SDK1: variants seen among roughly 807,000 people sequenced by gnomAD.
The protein encoded by SDK1 is sidekick cell adhesion molecule 1, also known as protein sidekick-1.
Under a neutral mutation model 245.5 loss-of-function variants are expected in SDK1, and 157 were observed. The observed-to-expected ratio is 0.64, with a 90% confidence interval of 0.56 to 0.73. The LOEUF is 0.73. SDK1 is among the 30% of genes least tolerant of loss of function. The probability of loss-of-function intolerance (pLI) is 0.00; values close to 1 mark genes in which losing one functional copy is unlikely to be tolerated. For synonymous variants in SDK1, 1,647 were observed against 1,278.5 expected, an observed-to-expected ratio of 1.29 and a Z score of -6.15; for missense variants, 3,583 against 3,002.3, an observed-to-expected ratio of 1.19 and a Z score of -4.52.
chr7:3,952,540 A>C lies in SDK1; in HGVS notation c.1150+620A>C, dbSNP rs1381696482. On this transcript the variant is annotated intron_variant, in intron 7 of 44. Transcript: ENST00000404826. ...AGAGGTTGCAGTGAGCCAAGATCGC[A>C]TCATTGCAACCCAATCTGGGCCACA... Among the ~76,000 whole-genome samples, 3 of 152,166 alleles carry C rather than the reference A, an allele frequency of 2.0e-5. No individual in the cohort carries two copies. The East Asian group carries it at 5.8e-4, about 29-fold the overall frequency.
At chr7:3,966,009 G>A (rs959916695) in intron 9 of SDK1, among the ~76,000 whole-genome samples, 8 of 151,912 alleles carry the variant, frequency 5.3e-5, no homozygotes, top group East Asian at 1.9e-4. Flanking sequence ...GGCAGAGGCC[G>A]AGAACAGGAG....
At position 3,677,407 on chromosome 7, in the gene SDK1, G is replaced by A. The variant is rs549014200; in HGVS notation, c.713+35302G>A. 1.2e-3 allele frequency among the ~76,000 whole-genome samples: 182 copies of A among 152,314 alleles called. 1 individual carries two copies. The highest frequency in any genetic ancestry group is 4.3e-3 in the African/African-American group (177 of 41,576). On this transcript the variant is annotated intron_variant, in intron 4 of 44. Coordinates refer to ENST00000404826, the MANE Select transcript of SDK1 (RefSeq NM_152744.4). ...ACTCACAGTTCCACATGGCTGGGGA[G>A]GCCTCACAATCATGGCTGAAGGTGA...
chr7:3,673,795 C>T (rs1783798598), intron 4 of SDK1, among the ~76,000 whole-genome samples: 1 of 151,968 alleles, frequency 6.6e-6, no homozygotes, highest in South Asian at 2.1e-4. Flanking sequence ...ATTCCAAGGG[C>T]GGAAGACATA....
chr7:3,931,160 C>T (rs1195953277), intron 5 of SDK1, among the ~76,000 whole-genome samples: 1 of 152,122 alleles, frequency 6.6e-6, no homozygotes, highest in Admixed American at 6.5e-5. Flanking sequence ...AGAGGGGCAC[C>T]CCATGGACGA....
Position 4,010,995 on chromosome 7 carries a change from G to A in SDK1, c.2161G>A (p.Val721Ile), listed in dbSNP as rs138116831. ...TCCATGGAAGGTGCATCTGTCAAAC[G>A]TTGGCCCTGAGATGACAGGCGTCAC... ...NSPWKVHLSN[V>I]GPEMTGVTVS... The change falls in exon 15 of 45, where the codon GTT becomes ATT. Residue 721 changes from valine (V) to isoleucine (I), a missense_variant. Physicochemically the swap from Val to Ile is conservative, Grantham distance 29. Coordinates refer to ENST00000404826, the MANE Select transcript of SDK1 (RefSeq NM_152744.4). 503 of 1,614,164 alleles carry A rather than the reference G, an allele frequency of 3.1e-4. 7 individuals carry two copies. In the East Asian group the frequency reaches 5.5e-3, roughly 18 times the overall value.
chr7:4,136,847 C>A (rs1409161611), intron 28 of SDK1, among the ~76,000 whole-genome samples: 3 of 152,350 alleles, frequency 2.0e-5, no homozygotes, highest in African/African-American at 7.2e-5. Flanking sequence ...CAAGTATGAT[C>A]CCTGTTGGCA....
chr7:3,380,529 A>G (rs537517737), intron 1 of SDK1, among the ~76,000 whole-genome samples: 1 of 152,234 alleles, frequency 6.6e-6, no homozygotes, highest in Non-Finnish European at 1.5e-5. Flanking sequence ...AGTTTGGCCA[A>G]CTTTGGTGTT....
At chr7:3,357,326 GTGTTTTTTTTTTTTTTTT>G (rs1780826993) in intron 1 of SDK1, among the ~76,000 whole-genome samples, 1 of 50,102 alleles carries the variant, frequency 2.0e-5, no homozygotes, top group Admixed American at 2.7e-4. Flanking sequence ...CCTTCTTTTA[GTGTTTTTTTTTTTTTTTT>G]TTTTTTTTTT....
Position 4,246,636 on chromosome 7 carries a change from C to A in SDK1, c.6381+831C>A, listed in dbSNP as rs373912963. Among the ~76,000 whole-genome samples the A allele has an allele frequency of 2.0e-5, 3 of 152,266 alleles. No homozygotes were observed. In the South Asian group the frequency reaches 6.2e-4, roughly 32 times the overall value. ...GCTTCTGTCCTAGCTCCCTCCCTTG[C>A]GCTGAAGAAGAGGGATTTGCTCACA... On this transcript the variant is annotated intron_variant, in intron 44 of 44. Coordinates refer to ENST00000404826, the MANE Select transcript of SDK1 (RefSeq NM_152744.4).
chr7:3,869,496 G>A (rs1309892937), intron 5 of SDK1, among the ~76,000 whole-genome samples: 1 of 152,090 alleles, frequency 6.6e-6, no homozygotes, highest in Admixed American at 6.6e-5. Flanking sequence ...AGGTGTGCAA[G>A]CCCAGAGGGA....
intron 30 of SDK1, among the ~76,000 whole-genome samples, chr7:4,156,167 G>A (rs1208898611): frequency 6.6e-6 from 1 of 152,150 alleles, no homozygotes; most frequent in East Asian, 1.9e-4. Flanking sequence ...TGACTTTGGG[G>A]TCCACATTCC....
intron 1 of SDK1, among the ~76,000 whole-genome samples, chr7:3,590,779 T>G (rs1385063793): frequency 4.8e-5 from 1 of 20,978 alleles, no homozygotes; most frequent in African/African-American, 5.0e-4. Flanking sequence ...AGTATAGCAC[T>G]TTTTTTTTTT....
At chr7:4,069,532 C>T (rs751274478) in intron 20 of SDK1, among the ~76,000 whole-genome samples, 24 of 152,188 alleles carry the variant, frequency 1.6e-4, no homozygotes, top group East Asian at 3.9e-4. Context: ...GTCTCCGCTC[C>T]GTGGTGGCAG....
intron 1 of SDK1, among the ~76,000 whole-genome samples, chr7:3,558,126 G>T (rs764448114): frequency 6.6e-6 from 1 of 151,820 alleles, no homozygotes; most frequent in African/African-American, 2.4e-5. Context: ...TGAAATGGCC[G>T]GTATAGTTGC....
chr7:3,742,671 C>G (rs1386802091), intron 4 of SDK1, among the ~76,000 whole-genome samples: 2 of 152,158 alleles, frequency 1.3e-5, no homozygotes, highest in Non-Finnish European at 2.9e-5. Flanking sequence ...CTCCTCCCAC[C>G]CCTTTCTGTG....
intron 1 of SDK1, among the ~76,000 whole-genome samples, chr7:3,342,850 G>T (rs547188094): frequency 6.6e-6 from 1 of 152,248 alleles, no homozygotes; most frequent in South Asian, 2.1e-4. Flanking sequence ...AAACAATCCA[G>T]TTGGAAAATG....
At chr7:3,524,369 A>G (rs970290442) in intron 1 of SDK1, among the ~76,000 whole-genome samples, 1 of 152,180 alleles carries the variant, frequency 6.6e-6, no homozygotes, top group African/African-American at 2.4e-5. Flanking sequence ...CAAGGATGGA[A>G]GCGGGGAGAT....
intron 5 of SDK1, among the ~76,000 whole-genome samples, chr7:3,837,752 T>C (rs1163857163): frequency 6.6e-6 from 1 of 150,646 alleles, no homozygotes; most frequent in East Asian, 1.9e-4. Context: ...CTGTTGTGAC[T>C]GAGGAAGTGA....
chr7:3,609,393 ATTTTTC>A (rs903058396), intron 1 of SDK1, among the ~76,000 whole-genome samples: 1 of 151,766 alleles, frequency 6.6e-6, no homozygotes, highest in Non-Finnish European at 1.5e-5. Context: ...GAGAGCTGGG[ATTTTTC>A]TTTTTCTTTT....
Sources: allele counts gnomAD v4.1 joint callset (sites outside exome capture counted in the v4.1 genomes callset), GRCh38; gene constraint gnomAD v4.1.1; transcripts MANE v1.5; gene names NCBI Gene and HGNC (gene_info 2026-07-23, HGNC 2026-07-21).